Variants in RFT1 observed in about 807,000 individuals in gnomAD.
The protein encoded by RFT1 is man(5)GlcNAc(2)-PP-dolichol translocation protein RFT1.
RFT1 carries 43 observed loss-of-function variants against 62.2 expected under a neutral mutation model. That is an observed-to-expected ratio of 0.69 (90% CI 0.54 to 0.89). The LOEUF is 0.89. Among genes scored for constraint, RFT1 ranks in the 40% least tolerant of loss-of-function variants. The probability of loss-of-function intolerance (pLI) is 0.00; values close to 1 mark genes in which losing one functional copy is unlikely to be tolerated. For synonymous variants in RFT1, 262 were observed against 264.6 expected, an observed-to-expected ratio of 0.99 and a Z score of 0.10; for missense variants, 605 against 649.9, an observed-to-expected ratio of 0.93 and a Z score of 0.75.
chr3:53,093,175 C>T (rs893171056), intron 11 of RFT1, among the ~76,000 whole-genome samples: 1 of 152,164 alleles, frequency 6.6e-6, no homozygotes, highest in Admixed American at 6.5e-5. Context: ...CACCCAGTAA[C>T]CTTGGGCAGT....
At chr3:53,111,172 G>A (rs1157968390) in intron 7 of RFT1, among the ~76,000 whole-genome samples, 1 of 152,112 alleles carries the variant, frequency 6.6e-6, no homozygotes, top group Non-Finnish European at 1.5e-5. Context: ...CCAGCACTCT[G>A]AGGCAGGCGG....
chr3:53,121,912 G>T, intron 4 of RFT1, 112 bp from the exon 5 acceptor site: 1 of 819,160 alleles, frequency 1.2e-6, no homozygotes, highest in Non-Finnish European at 2.0e-6. Flanking sequence ...TGGGGGCAGG[G>T]CACACAGCTG....
chr3:53,085,835 T>C (rs1700843540), downstream of RFT1: 1 of 152,250 alleles, frequency 6.6e-6, no homozygotes, highest in African/African-American at 2.4e-5. Flanking sequence ...GAACAAGGGC[T>C]AACTGCTGCT....
In RFT1 at chr3:53,122,538, A is replaced by C; in HGVS notation, c.292T>G (p.Leu98Val). 1 of 1,613,524 alleles carries C rather than the reference A, an allele frequency of 6.2e-7. No individual in the cohort carries two copies. The highest frequency in any genetic ancestry group is 8.5e-7 in the Non-Finnish European group (1 of 1,179,576). ...LTVPLGVFWS[L>V]FLGWIWLQLL... The stretch of plus-strand genomic sequence containing the variant: ...TGCAACCAGATCCAGCCCAGGAATA[A>C]GGACCAAAACACACCCAGGGGGACT... The change falls in exon 4 of 13, where the codon TTA becomes GTA. Residue 98 changes from leucine to valine, a missense_variant. Coordinates refer to ENST00000296292, the MANE Select transcript of RFT1 (RefSeq NM_052859.4).
chr3:53,118,336 G>A (rs548892592), intron 6 of RFT1, among the ~76,000 whole-genome samples: 1 of 152,198 alleles, frequency 6.6e-6, no homozygotes, highest in East Asian at 1.9e-4. Context: ...AGAAGCTCTA[G>A]GCAAGAGAAG....
At chr3:53,107,274 T>C (rs182039086) in intron 7 of RFT1, among the ~76,000 whole-genome samples, 3 of 152,102 alleles carry the variant, frequency 2.0e-5, no homozygotes, top group African/African-American at 7.2e-5. Flanking sequence ...CAGCTGGGAC[T>C]ACAGGCGCCC....
Position 53,105,740 on chromosome 3 carries a change from T to G in RFT1, c.890A>C (p.Glu297Ala). 6.2e-7 allele frequency: 1 copy of G among 1,613,894 alleles called. No individual in the cohort carries two copies. The highest frequency in any genetic ancestry group is 1.1e-5 in the South Asian group (1 of 91,082). ...AGCAAAAAATATATAAAAACTTTCC[T>G]CTATTGGCTGGAAAATTAATCTGGC... is the stretch of plus-strand genomic sequence containing the variant. ...LVARLIFQPIEESFYIFFAKV... is the reference protein window; with the variant it reads ...LVARLIFQPIAESFYIFFAKV... The change falls in exon 9 of 13, where the codon GAG becomes GCG. Residue 297 changes from glutamate to alanine, a missense_variant. Transcript: ENST00000296292.
the RFT1 span, among the ~76,000 whole-genome samples, chr3:53,072,154 C>A: frequency 6.6e-6 from 1 of 152,186 alleles, no homozygotes; most frequent in African/African-American, 2.4e-5. Context: ...TGCCTCATTC[C>A]TGCTGCGGCA....
the RFT1 span, among the ~76,000 whole-genome samples, chr3:53,072,762 G>A: frequency 2.0e-5 from 3 of 152,340 alleles, no homozygotes; most frequent in Admixed American, 6.5e-5. Flanking sequence ...ACCCTGGGGC[G>A]GCTGCTCCAT....
chr3:53,091,713 T>TC lies in RFT1; in HGVS notation c.*189dup, dbSNP rs564047932. The TC allele has an allele frequency of 3.3e-3, 2,136 of 638,206 alleles. 11 individuals are homozygous for TC. The highest frequency in any genetic ancestry group is 0.022 in the Middle Eastern group (52 of 2,388). 39.5% of individuals were successfully genotyped at this position (638,206 alleles called of 1,614,324 possible). On this transcript the variant is annotated 3_prime_UTR_variant, in exon 13 of 13. Transcript: ENST00000296292. ...TTTGGTCTTCACTTAAAAATGAAACTCCCCCCCCGCATTTCAGACTTCGAA... is the reference window on the plus strand; with the variant it reads ...TTTGGTCTTCACTTAAAAATGAAACTCCCCCCCCCGCATTTCAGACTTCGAA...
intron 11 of RFT1, among the ~76,000 whole-genome samples, chr3:53,098,675 G>T (rs567424424): frequency 6.6e-6 from 1 of 151,910 alleles, no homozygotes; most frequent in South Asian, 2.1e-4. Flanking sequence ...GGTGGCACGC[G>T]CCTGTAGTCC....
intron 2 of RFT1, 27 bp downstream of exon 2, chr3:53,125,882 A>G: frequency 6.4e-7 from 1 of 1,563,334 alleles, no homozygotes; most frequent in Non-Finnish European, 8.8e-7. Context: ...GTGAACTCTG[A>G]CAGTGCCAGG....
intron 11 of RFT1, among the ~76,000 whole-genome samples, chr3:53,097,505 T>C (rs572245220): frequency 6.6e-6 from 1 of 152,372 alleles, no homozygotes; most frequent in East Asian, 1.9e-4. Context: ...TTATATACTA[T>C]CGAAATTCCA....
In RFT1 at chr3:53,091,914, T is replaced by A; in HGVS notation, c.1615A>T (p.Lys539Ter). The change falls in exon 13 of 13, where the codon AAA becomes TAA. Residue 539 changes from lysine (K) to a stop codon, truncating the protein, a stop_gained. Coordinates refer to ENST00000296292, the MANE Select transcript of RFT1 (RefSeq NM_052859.4). LOFTEE classifies it high-confidence loss of function. ...TQLGVPRRTD[K>*]MT ...AGGCTTCCCTGAAGTCATGTCATTT[T>A]GTCAGTGCGTCTGGGCACACCTAAC... The A allele has an allele frequency of 1.9e-6, 3 of 1,614,184 alleles. No homozygotes were observed. Among genetic ancestry groups the A allele is most frequent in the South Asian group, 2.2e-5 (2 of 91,074 alleles).
chr3:53,076,547 C>G, the RFT1 span, among the ~76,000 whole-genome samples: 7 of 152,166 alleles, frequency 4.6e-5, no homozygotes, highest in Non-Finnish European at 1.0e-4. Flanking sequence ...TAGCGTTAAA[C>G]ATGTAAACAC....
intron 11 of RFT1, among the ~76,000 whole-genome samples, chr3:53,098,061 CTG>C (rs1459826549): frequency 1.2e-4 from 19 of 152,214 alleles, no homozygotes; most frequent in African/African-American, 4.6e-4. Context: ...CTACGCATAA[CTG>C]GGGTACTTCC....
intron 7 of RFT1, among the ~76,000 whole-genome samples, chr3:53,108,648 G>A (rs1220243221): frequency 6.6e-6 from 1 of 151,738 alleles, no homozygotes; most frequent in African/African-American, 2.4e-5. Context: ...CTCCCAAAGT[G>A]CTGGGATTAC....
intron 6 of RFT1, among the ~76,000 whole-genome samples, chr3:53,114,755 A>G (rs1701746862): frequency 6.6e-6 from 1 of 152,138 alleles, no homozygotes; most frequent in Admixed American, 6.6e-5. Flanking sequence ...TAACGGAGAA[A>G]TGGCGGCTAA....
chr3:53,094,970 A>G (rs531566463), intron 11 of RFT1, among the ~76,000 whole-genome samples: 2 of 152,194 alleles, frequency 1.3e-5, no homozygotes, highest in Admixed American at 6.5e-5. Flanking sequence ...AAATGCAATT[A>G]AAATATCACT....
Sources: gnomAD v4.1 joint callset for allele counts (sites outside exome capture counted in the v4.1 genomes callset) on GRCh38, gnomAD v4.1.1 for gene constraint, MANE v1.5 for transcripts, NCBI Gene and HGNC (gene_info 2026-07-23, HGNC 2026-07-21) for gene names.